Variants in GBF1 observed in about 807,000 individuals in gnomAD.
GBF1 encodes Golgi-specific brefeldin A-resistance guanine nucleotide exchange factor 1.
GBF1 carries 114 observed loss-of-function variants against 210.5 expected under a neutral mutation model. The ratio of observed to expected loss-of-function variants is 0.54; its 90% CI spans 0.47 to 0.63. The LOEUF is 0.63. Among genes scored for constraint, GBF1 ranks in the 30% least tolerant of loss-of-function variants. The pLI is 0.00. For missense variants in GBF1, 1,851 were observed against 2,357.7 expected (o/e 0.79, Z 4.45); for synonymous variants, 850 against 889.2 (o/e 0.96, Z 0.78).
chr10:102,311,755 A>G (rs539093989), intron 3 of GBF1, among the ~76,000 whole-genome samples: 2 of 152,274 alleles, frequency 1.3e-5, no homozygotes, highest in South Asian at 2.1e-4. Context: ...AACTATTCCT[A>G]TGCCCCATGA....
chr10:102,335,240 C>A (rs1023084670), intron 3 of GBF1, among the ~76,000 whole-genome samples: 3 of 152,168 alleles, frequency 2.0e-5, no homozygotes, highest in African/African-American at 4.8e-5. Context: ...CTTTTTCCCC[C>A]AGATGACTGG....
chr10:102,375,430 G>C lies in GBF1; in HGVS notation c.3732G>C (p.Ala1244=). 1 of 1,613,804 alleles carries C rather than the reference G, an allele frequency of 6.2e-7. No homozygotes were observed. The highest frequency in any genetic ancestry group is 1.3e-5 in the African/African-American group (1 of 75,024). ...TATCCCGAGTCAGCCACCAGGTTGC[G>C]TATGGGCTCCATGAACTCCTGAAGA... The part of the protein sequence containing the change: ...SVLSRVSHQV[A]YGLHELLKTN... The change falls in exon 30 of 40, where the codon GCG becomes GCC. Residue 1244 remains alanine, a synonymous_variant. Coordinates refer to ENST00000369983, the MANE Select transcript of GBF1 (RefSeq NM_001377137.1).
intron 29 of GBF1, among the ~76,000 whole-genome samples, chr10:102,371,485 T>C (rs1192621194): frequency 6.6e-6 from 1 of 152,180 alleles, no homozygotes; most frequent in South Asian, 2.1e-4. Context: ...CATAGTAACT[T>C]TGTCACTTCT....
chr10:102,275,899 G>A (rs956689502), intron 3 of GBF1, among the ~76,000 whole-genome samples: 4 of 152,182 alleles, frequency 2.6e-5, no homozygotes, highest in South Asian at 2.1e-4. Context: ...CCTCCCAAGT[G>A]AGCCAAGACT....
rs760481075 is a variant in GBF1 at position 102,376,733 on chromosome 10, C to T, written c.4221C>T (p.Ile1407=). 1.2e-5 allele frequency: 19 copies of T among 1,611,428 alleles called. No homozygotes were observed. The highest frequency in any genetic ancestry group is 1.6e-5 in the Non-Finnish European group (19 of 1,179,746). Residue 1407 remains isoleucine, a synonymous_variant, in exon 32 of 40, where the codon ATC becomes ATT. Coordinates refer to ENST00000369983, the MANE Select transcript of GBF1 (RefSeq NM_001377137.1). ...LSFIVRDAAH[I]TPDNFELCVK... ...TCATTGTGCGTGATGCTGCCCACATCACACCTGACAACTTTGAGCTCTGCG... is the reference window on the plus strand; with the variant it reads ...TCATTGTGCGTGATGCTGCCCACATTACACCTGACAACTTTGAGCTCTGCG...
At chr10:102,316,980 A>G (rs548369538) in intron 3 of GBF1, among the ~76,000 whole-genome samples, 2 of 152,352 alleles carry the variant, frequency 1.3e-5, no homozygotes, top group South Asian at 2.1e-4. Flanking sequence ...TATGCTAAAC[A>G]TCATTTTTAG....
chr10:102,330,575 A>G (rs1438121768), intron 3 of GBF1, among the ~76,000 whole-genome samples: 2 of 151,800 alleles, frequency 1.3e-5, no homozygotes, highest in African/African-American at 4.8e-5. Context: ...TCCCAGCTAC[A>G]CTCAGGAGGC....
the GBF1 span, chr10:102,231,575 C>T: frequency 2.6e-6 from 4 of 1,554,682 alleles, no homozygotes; most frequent in East Asian, 9.2e-5. Flanking sequence ...AGTCGCGGGT[C>T]TGGAGAGCAT....
At chr10:102,232,225 G>T in the GBF1 span, 3 of 650,250 alleles carry the variant, frequency 4.6e-6, no homozygotes, top group African/African-American at 5.4e-5. Flanking sequence ...GCTGCGTGGG[G>T]CTCCTTAGGA....
chr10:102,356,490 G>A (rs919347459), intron 8 of GBF1, among the ~76,000 whole-genome samples: 3 of 152,156 alleles, frequency 2.0e-5, no homozygotes, highest in Admixed American at 6.5e-5. Context: ...ATTGGGCCGG[G>A]CACAGTGGCT....
In GBF1 at chr10:102,255,211, T is replaced by C. The variant is rs912439697; in HGVS notation, c.-10-3718T>C. Among the ~76,000 whole-genome samples the C allele has an allele frequency of 3.3e-5, 5 of 152,044 alleles. No individual in the cohort carries two copies. The East Asian group carries it at 9.6e-4, about 29-fold the overall frequency. Reference sequence around the variant, plus strand: ...GTGTGTCACCACACCTGGCTAATTTTTGTATTTTTAGTTGAGGTGGCGTTT... The same window carrying C: ...GTGTGTCACCACACCTGGCTAATTTCTGTATTTTTAGTTGAGGTGGCGTTT... On this transcript the variant is annotated intron_variant, in intron 1 of 39. Transcript: ENST00000369983.
intron 4 of GBF1, among the ~76,000 whole-genome samples, chr10:102,347,156 G>C (rs1023780640): frequency 1.3e-5 from 2 of 152,208 alleles, no homozygotes; most frequent in Non-Finnish European, 2.9e-5. Flanking sequence ...CTTAAGCAGG[G>C]AGACAAGAAA....
intron 3 of GBF1, among the ~76,000 whole-genome samples, chr10:102,312,166 C>CT (rs1302978455): frequency 1.3e-5 from 2 of 152,062 alleles, no homozygotes; most frequent in Non-Finnish European, 2.9e-5. Flanking sequence ...TGGCGCATGC[C>CT]TGTAATCCCA....
At position 102,334,587 on chromosome 10, in the gene GBF1, C is replaced by T. The variant is rs188381539; in HGVS notation, c.164-9464C>T. On this transcript the variant is annotated intron_variant, in intron 3 of 39. Transcript: ENST00000369983. The stretch of plus-strand genomic sequence containing the variant: ...GATTCAGCTGGGCGCAGTGGTTCAT[C>T]CCTGTAATCCCAGCACTTTGGGAGG... Among the ~76,000 whole-genome samples the T allele has an allele frequency of 1.4e-4, 21 of 152,214 alleles. No individual in the cohort carries two copies. In the East Asian group the frequency reaches 3.9e-3, roughly 28 times the overall value.
At chr10:102,270,692 C>T (rs898403875) in intron 3 of GBF1, among the ~76,000 whole-genome samples, 33 of 152,202 alleles carry the variant, frequency 2.2e-4, no homozygotes, top group Admixed American at 5.2e-4. Flanking sequence ...CTACATAATA[C>T]CATTATCACA....
Position 102,360,210 on chromosome 10 carries a change from C to G in GBF1, c.1207C>G (p.Pro403Ala). The G allele has an allele frequency of 6.2e-7, 1 of 1,613,716 alleles. No homozygotes were observed. The change falls in exon 12 of 40, where the codon CCC (proline) becomes GCC (alanine). Residue 403 changes from proline (P) to alanine (A), a missense_variant. Physicochemically the swap from Pro to Ala is conservative, Grantham distance 27 (BLOSUM62 -1). This residue lies in a region of GBF1 where 804 missense variants were observed against 958.6 expected (regional missense o/e 0.84). Transcript: ENST00000369983. ...EGTALVPYGL[P>A]CIRELFRFLI... Reference sequence around the variant, plus strand: ...CACAGCTTTGGTCCCCTATGGTCTTCCCTGCATCCGCGAGCTCTTCCGCTT... The same window carrying G: ...CACAGCTTTGGTCCCCTATGGTCTTGCCTGCATCCGCGAGCTCTTCCGCTT...
At chr10:102,381,527 G>A (rs931249687) in intron 39 of GBF1, among the ~76,000 whole-genome samples, 1 of 152,144 alleles carries the variant, frequency 6.6e-6, no homozygotes, top group African/African-American at 2.4e-5. Context: ...GATTCTAGTA[G>A]AGAGTAACCT....
chr10:102,339,955 T>TC (rs1022078344), intron 3 of GBF1, among the ~76,000 whole-genome samples: 2 of 146,010 alleles, frequency 1.4e-5, no homozygotes, highest in African/African-American at 5.0e-5. Context: ...CCTGGTTAAT[T>TC]TTTTTTTTTT....
chr10:102,268,663 A>G (rs1222064648), intron 3 of GBF1, among the ~76,000 whole-genome samples: 1 of 152,118 alleles, frequency 6.6e-6, no homozygotes, highest in African/African-American at 2.4e-5. Context: ...CAAGTGCCAA[A>G]AGGGTTTCAG....
Sources: gnomAD v4.1 joint callset for allele counts (sites outside exome capture counted in the v4.1 genomes callset) on GRCh38, gnomAD v4.1.1 for gene constraint, gnomAD v4.1.1 regional missense constraint, MANE v1.5 for transcripts, NCBI Gene and HGNC (gene_info 2026-07-23, HGNC 2026-07-21) for gene names.